CRTAP: variants seen among roughly 807,000 people sequenced by gnomAD.
The protein encoded by CRTAP is cartilage-associated protein.
Under a neutral mutation model 42.7 loss-of-function variants are expected in CRTAP, and 33 were observed. The ratio of observed to expected loss-of-function variants is 0.77; its 90% CI spans 0.59 to 1.03. The LOEUF is 1.03. Ranked by LOEUF, CRTAP falls within the 50% of genes least tolerant of loss-of-function variation. The probability of loss-of-function intolerance (pLI) is 0.00; values close to 1 mark genes in which losing one functional copy is unlikely to be tolerated. For missense variants in CRTAP, 613 were observed against 533.9 expected (o/e 1.15, Z -1.46); for synonymous variants, 243 against 217.7 (o/e 1.12, Z -1.02).
rs2125609336 is a variant in CRTAP, at chr3:33,146,699, G to C, written c.*4251G>C. 1 of 152,272 alleles carries C rather than the reference G, an allele frequency of 6.6e-6. No homozygotes were observed. Among genetic ancestry groups the C allele is most frequent in the African/African-American group, 2.4e-5 (1 of 41,560 alleles). The allele number at this position is 152,272 out of a possible 1,614,324, so 9.4% of individuals were successfully genotyped here. A position where few individuals can be genotyped will look rare whatever the true frequency, so the allele number is the denominator to read the frequency against. ...TGTGTGCTTTCAGGAGTTCTTATTA[G>C]GGGAATTTTAAGAGCACAAAAATTT... On this transcript the variant is annotated 3_prime_UTR_variant, in exon 7 of 7. Transcript: ENST00000320954.
At chr3:33,114,599 C>T (rs1219502424) in intron 1 of CRTAP, 51 bp downstream of exon 1, 4 of 1,520,456 alleles carry the variant, frequency 2.6e-6, no homozygotes. Context: ...CTGACCCAGC[C>T]TCCAGGCCCT....
At chr3:33,129,694 C>T (rs887917605) in intron 3 of CRTAP, among the ~76,000 whole-genome samples, 6 of 151,810 alleles carry the variant, frequency 4.0e-5, no homozygotes, top group African/African-American at 7.3e-5. Context: ...CCCACCACGA[C>T]GCCCAGCTAA....
Position 33,114,178 on chromosome 3 carries a change from G to A in CRTAP, c.101G>A (p.Arg34His). Residue 34 changes from arginine to histidine, a missense_variant, in exon 1 of 7, where the codon CGC (arginine) becomes CAC (histidine). Transcript: ENST00000320954. ...GRAQYERYSF[R>H]SFPRDELMPL... The stretch of plus-strand genomic sequence containing the variant: ...GCCCAATACGAACGCTACAGCTTCC[G>A]CAGCTTCCCACGGGACGAGCTGATG... 1 of 1,592,020 alleles carries A rather than the reference G, an allele frequency of 6.3e-7. No homozygotes were observed. The highest frequency in any genetic ancestry group is 8.5e-7 in the Non-Finnish European group (1 of 1,176,042).
chr3:33,119,037 C>T (rs1701381410), intron 1 of CRTAP, among the ~76,000 whole-genome samples: 1 of 152,168 alleles, frequency 6.6e-6, no homozygotes. Flanking sequence ...CAATTTCTTT[C>T]TCCCCTCAAA....
At position 33,119,614 on chromosome 3, in the gene CRTAP, T is replaced by C. The variant is rs182622946; in HGVS notation, c.472-730T>C. On this transcript the variant is annotated intron_variant, in intron 1 of 6. Coordinates refer to ENST00000320954, the MANE Select transcript of CRTAP (RefSeq NM_006371.5). The stretch of plus-strand genomic sequence containing the variant: ...AATAAGTGAGGAGGTGGTGGAGTCA[T>C]TGAGAATGTTAGCAGAAGGTCTGTG... Among the ~76,000 whole-genome samples, 7 of 152,204 alleles carry C rather than the reference T, an allele frequency of 4.6e-5. No individual in the cohort carries two copies. In the East Asian group the frequency reaches 9.6e-4, roughly 21 times the overall value.
intron 2 of CRTAP, among the ~76,000 whole-genome samples, chr3:33,120,988 A>G (rs2029870819): frequency 6.6e-6 from 1 of 152,232 alleles, no homozygotes; most frequent in South Asian, 2.1e-4. Flanking sequence ...AGTTTTGATG[A>G]GAATTAGTCG....
intron 6 of CRTAP, among the ~76,000 whole-genome samples, chr3:33,138,670 G>A (rs537200208): frequency 2.0e-4 from 30 of 152,180 alleles, no homozygotes; most frequent in African/African-American, 6.0e-4. Flanking sequence ...TTTTTCTTGC[G>A]TAATTGTTCT....
chr3:33,132,594 A>G lies in CRTAP; in HGVS notation c.962A>G (p.Tyr321Cys), dbSNP rs573914818. Residue 321 changes from tyrosine (Y) to cysteine (C), a missense_variant, in exon 5 of 7, where the codon TAT (tyrosine) becomes TGT (cysteine). By Grantham distance (194) the Tyr-to-Cys change is radical. Coordinates refer to ENST00000320954, the MANE Select transcript of CRTAP (RefSeq NM_006371.5). The stretch of plus-strand genomic sequence containing the variant: ...AATGCAGCCCCCTGTGCAGTCAGCT[A>G]TCTGCTCTTTGATCAGAATGACAAG... ...LKNAAPCAVS[Y>C]LLFDQNDKVM... 38 of 1,614,194 alleles carry G rather than the reference A, an allele frequency of 2.4e-5. No homozygotes were observed. Among genetic ancestry groups the G allele is most frequent in the African/African-American group, 4.0e-5 (3 of 75,054 alleles).
rs776984474 is a variant in CRTAP at position 33,114,489 on chromosome 3, G to A, written c.412G>A (p.Val138Met). The A allele has an allele frequency of 2.5e-6, 4 of 1,603,704 alleles. No homozygotes were observed. The highest frequency in any genetic ancestry group is 2.7e-5 in the African/African-American group (2 of 74,746). ...CCGCCAGTCCCAGCCCAGCCGCGAG[G>A]TGCTGGCGGACTTCCAGCGCCGCGA... The part of the protein sequence containing the change: ...AFRQSQPSRE[V>M]LADFQRREPY... Residue 138 changes from valine to methionine, a missense_variant, in exon 1 of 7, where the codon GTG becomes ATG. Transcript: ENST00000320954.
chr3:33,128,091 C>T (rs2125601908), intron 3 of CRTAP, among the ~76,000 whole-genome samples: 1 of 152,250 alleles, frequency 6.6e-6, no homozygotes, highest in East Asian at 1.9e-4. Flanking sequence ...AAGTATGTTG[C>T]ACATGCATTA....
rs368879937 is a variant in CRTAP at position 33,114,303 on chromosome 3, T to C, written c.226T>C (p.Leu76=). 90 of 1,560,364 alleles carry C rather than the reference T, an allele frequency of 5.8e-5. No individual in the cohort carries two copies. The African/African-American group carries it at 8.9e-4, about 15-fold the overall frequency. ...GGAGATCAGCCTGCGGCTGCACCGC[T>C]TGCTGCGCGACAGCGAGGCCTTCTG... ...YLEISLRLHR[L]LRDSEAFCHR... The change falls in exon 1 of 7, where the codon TTG becomes CTG. Residue 76 remains leucine (L), a synonymous_variant. Coordinates refer to ENST00000320954, the MANE Select transcript of CRTAP (RefSeq NM_006371.5).
chr3:33,132,494 C>G (rs1439885262), intron 4 of CRTAP, 61 bp from the exon 5 acceptor site: 4 of 1,607,058 alleles, frequency 2.5e-6, no homozygotes, highest in Admixed American at 3.3e-5. Flanking sequence ...TGTTTAGAAG[C>G]AGAGAAATTA....
At chr3:33,132,397 C>T (rs2030291889) in intron 4 of CRTAP, among the ~76,000 whole-genome samples, 158 bp from the exon 5 acceptor site, 1 of 152,244 alleles carries the variant, frequency 6.6e-6, no homozygotes. Flanking sequence ...GAGACCCCAT[C>T]TGTGGCCTGC....
intron 6 of CRTAP, among the ~76,000 whole-genome samples, chr3:33,140,111 A>G (rs762064381): frequency 1.3e-5 from 2 of 152,240 alleles, no homozygotes. Flanking sequence ...AGAACAACAT[A>G]TATAGAAAGC....
At chr3:33,130,794 A>G (rs1305894645) in intron 4 of CRTAP, among the ~76,000 whole-genome samples, 1 of 151,848 alleles carries the variant, frequency 6.6e-6, no homozygotes, top group Non-Finnish European at 1.5e-5. Context: ...TCAGCCTCCC[A>G]AAGTGCTGGG....
chr3:33,131,118 G>A (rs1044475716), intron 4 of CRTAP, among the ~76,000 whole-genome samples: 9 of 152,130 alleles, frequency 5.9e-5, no homozygotes, highest in Non-Finnish European at 1.0e-4. Flanking sequence ...AGGGTCTAGC[G>A]GTGGCAGGTT....
rs2125609133 is a variant in CRTAP, at chr3:33,146,131, GCTT to G, written c.*3687_*3689del. 6.6e-6 allele frequency: 1 copy of G among 152,306 alleles called. No individual in the cohort carries two copies. Among genetic ancestry groups the G allele is most frequent in the Non-Finnish European group, 1.5e-5 (1 of 68,038 alleles). 9.4% of individuals were successfully genotyped at this position (152,306 alleles called of 1,614,324 possible). A position where few individuals can be genotyped will look rare whatever the true frequency, so the allele number is the denominator to read the frequency against. ...CTCAACCCAACACCTCCCTGAGTGTGCTTCTTGGAAGAGCCTAGAAGATTCCTG... is the reference window on the plus strand; with the variant it reads ...CTCAACCCAACACCTCCCTGAGTGTGCTTGGAAGAGCCTAGAAGATTCCTG... On this transcript the variant is annotated 3_prime_UTR_variant, in exon 7 of 7. Coordinates refer to ENST00000320954, the MANE Select transcript of CRTAP (RefSeq NM_006371.5).
At chr3:33,132,374 C>T (rs1052066653) in intron 4 of CRTAP, among the ~76,000 whole-genome samples, 181 bp from the exon 5 acceptor site, 3 of 152,354 alleles carry the variant, frequency 2.0e-5, no homozygotes, top group East Asian at 3.9e-4. Flanking sequence ...AGCCTGGCCT[C>T]CAGGCTGCCG....
chr3:33,124,471 A>G lies in CRTAP; in HGVS notation c.685A>G (p.Met229Val), dbSNP rs781334480. The change falls in exon 3 of 7, where the codon ATG (methionine) becomes GTG (valine). Residue 229 changes from methionine (M) to valine (V), a missense_variant. Coordinates refer to ENST00000320954, the MANE Select transcript of CRTAP (RefSeq NM_006371.5). ...GAACTGGAGAACATCCATCACAGACATGGAGCTGGCCCTTCCCGACTTCTT... is the reference window on the plus strand; with the variant it reads ...GAACTGGAGAACATCCATCACAGACGTGGAGCTGGCCCTTCCCGACTTCTT... ...GENWRTSITD[M>V]ELALPDFFKA... The G allele has an allele frequency of 7.4e-6, 12 of 1,614,228 alleles. No individual in the cohort carries two copies. The highest frequency in any genetic ancestry group is 8.5e-6 in the Non-Finnish European group (10 of 1,180,038).
Sources: allele counts gnomAD v4.1 joint callset (sites outside exome capture counted in the v4.1 genomes callset), GRCh38; gene constraint gnomAD v4.1.1; transcripts MANE v1.5; gene names NCBI Gene and HGNC (gene_info 2026-07-23, HGNC 2026-07-21).